Variants in SGCZ observed in about 807,000 individuals in gnomAD.
SGCZ encodes the protein sarcoglycan zeta.
A neutral mutation model predicts 41.3 loss-of-function variants in SGCZ; 40 were observed. The ratio of observed to expected loss-of-function variants is 0.97; its 90% confidence interval spans 0.75 to 1.26. The LOEUF is 1.26. Ranked by LOEUF, SGCZ falls within the 50% of genes most tolerant of loss-of-function variation. The pLI, the probability that SGCZ is intolerant of heterozygous loss-of-function variation, is 0.00. For synonymous variants in SGCZ, 206 were observed against 137.5 expected (o/e 1.50, Z -3.49); for missense variants, 552 against 369.8 (o/e 1.49, Z -4.04).
chr8:14,501,210 C>G (rs1008536646), intron 2 of SGCZ, among the ~76,000 whole-genome samples: 3 of 151,744 alleles, frequency 2.0e-5, no homozygotes, highest in African/African-American at 7.3e-5. Flanking sequence ...ACTGACTCTT[C>G]TGCTTGCCTC....
At chr8:14,983,316 G>T (rs970152769) in intron 1 of SGCZ, among the ~76,000 whole-genome samples, 2 of 151,936 alleles carry the variant, frequency 1.3e-5, no homozygotes, top group African/African-American at 2.4e-5. Context: ...TCCTGCCTCA[G>T]CACACCAGGT....
chr8:15,016,145 A>C (rs898886399), intron 1 of SGCZ, among the ~76,000 whole-genome samples: 1 of 152,142 alleles, frequency 6.6e-6, no homozygotes, highest in Non-Finnish European at 1.5e-5. Flanking sequence ...CTTTTGCAAA[A>C]TTTCCTCCAA....
intron 2 of SGCZ, among the ~76,000 whole-genome samples, chr8:14,529,912 G>C (rs1056898440): frequency 1.3e-5 from 2 of 152,024 alleles, no homozygotes; most frequent in Non-Finnish European, 2.9e-5. Flanking sequence ...TTTGAAATTG[G>C]ATCCATTTGA....
intron 3 of SGCZ, among the ~76,000 whole-genome samples, chr8:14,294,844 A>G (rs1800958921): frequency 6.6e-6 from 1 of 152,216 alleles, no homozygotes; most frequent in Admixed American, 6.5e-5. Flanking sequence ...ATGCAAATTA[A>G]AACTACAGTG....
chr8:14,769,793 T>TTAAAAAAAAAA (rs1800170910), intron 1 of SGCZ, among the ~76,000 whole-genome samples: 1 of 52,196 alleles, frequency 1.9e-5, no homozygotes, highest in Non-Finnish European at 3.2e-5. Context: ...AAAACACCAT[T>TTAAAAAAAAAA]AAAAAAAAAA....
At chr8:14,970,117 A>C (rs753846437) in intron 1 of SGCZ, among the ~76,000 whole-genome samples, 11 of 152,066 alleles carry the variant, frequency 7.2e-5, no homozygotes, top group Non-Finnish European at 1.5e-4. Context: ...TGCAGTTTTA[A>C]TTCATCTTTC....
At chr8:14,439,306 AAG>A (rs1216777684) in intron 2 of SGCZ, among the ~76,000 whole-genome samples, 2 of 111,090 alleles carry the variant, frequency 1.8e-5, no homozygotes, top group East Asian at 2.4e-4. Flanking sequence ...ATATAGAAGA[AAG>A]AAATATATAT....
intron 1 of SGCZ, among the ~76,000 whole-genome samples, chr8:14,772,987 C>A (rs183748694): frequency 0.011 from 1,747 of 152,130 alleles, 14 homozygotes; most frequent in Non-Finnish European, 0.017. Flanking sequence ...GTTCTAGATC[C>A]CTGAGAAATT....
chr8:15,201,730 A>G (rs574518485), intron 1 of SGCZ, among the ~76,000 whole-genome samples: 1 of 152,316 alleles, frequency 6.6e-6, no homozygotes, highest in African/African-American at 2.4e-5. Context: ...ATTGCAATGC[A>G]TAGAAACTGA....
intron 1 of SGCZ, among the ~76,000 whole-genome samples, chr8:14,939,516 T>C (rs1800196718): frequency 6.6e-6 from 1 of 152,102 alleles, no homozygotes; most frequent in South Asian, 2.1e-4. Context: ...CGTATGAGGA[T>C]GGTTAAATTA....
At chr8:14,312,756 C>A (rs1451839088) in intron 3 of SGCZ, among the ~76,000 whole-genome samples, 2 of 152,070 alleles carry the variant, frequency 1.3e-5, no homozygotes, top group Admixed American at 6.6e-5. Flanking sequence ...TTTAAAATTC[C>A]TATCCACTGG....
rs2061976 is a variant in SGCZ at position 14,997,066 on chromosome 8, A to C, written c.39+240519T>G. 6.7e-3 allele frequency among the ~76,000 whole-genome samples: 1,016 copies of C among 152,100 alleles called. 62 individuals are homozygous for C. The East Asian group carries it at 0.15, about 22-fold the overall frequency. The stretch of plus-strand genomic sequence containing the variant: ...AATGTCTTCCTTAGCTTTCTCTTTA[A>C]AATTGAATCAATTTCTCCTTAAATT... On this transcript the variant is annotated intron_variant, in intron 1 of 7. Coordinates refer to ENST00000382080, the MANE Select transcript of SGCZ (RefSeq NM_139167.4).
At chr8:14,757,254 G>A (rs1489537976) in intron 1 of SGCZ, among the ~76,000 whole-genome samples, 1 of 152,122 alleles carries the variant, frequency 6.6e-6, no homozygotes, top group Non-Finnish European at 1.5e-5. Flanking sequence ...TCACTATGTT[G>A]GCCAGGCTGG....
At chr8:14,767,647 G>A (rs984047679) in intron 1 of SGCZ, among the ~76,000 whole-genome samples, 7 of 152,104 alleles carry the variant, frequency 4.6e-5, no homozygotes, top group South Asian at 4.1e-4. Flanking sequence ...AATTTTATTC[G>A]GAATCTTAAT....
intron 1 of SGCZ, among the ~76,000 whole-genome samples, chr8:14,780,950 C>G (rs1800569907): frequency 6.6e-6 from 1 of 152,032 alleles, no homozygotes; most frequent in Non-Finnish European, 1.5e-5. Flanking sequence ...GCCAAAGATA[C>G]AGAGAATAAA....
At chr8:14,771,081 T>G (rs938671019) in intron 1 of SGCZ, among the ~76,000 whole-genome samples, 1 of 152,118 alleles carries the variant, frequency 6.6e-6, no homozygotes, top group Non-Finnish European at 1.5e-5. Flanking sequence ...AAGTTAGAGT[T>G]GCTGATCATG....
intron 1 of SGCZ, among the ~76,000 whole-genome samples, chr8:15,103,465 A>T (rs1263186443): frequency 6.6e-6 from 1 of 152,024 alleles, no homozygotes; most frequent in Non-Finnish European, 1.5e-5. Context: ...AACCAGTTTT[A>T]TAGAAGTAAA....
chr8:14,934,378 A>C (rs1171577386), intron 1 of SGCZ, among the ~76,000 whole-genome samples: 1 of 151,958 alleles, frequency 6.6e-6, no homozygotes, highest in Non-Finnish European at 1.5e-5. Flanking sequence ...AGTATAAATA[A>C]GGAAAGGGAG....
At chr8:15,207,653 A>C (rs11203680) in intron 1 of SGCZ, among the ~76,000 whole-genome samples, 1 of 151,926 alleles carries the variant, frequency 6.6e-6, no homozygotes, top group African/African-American at 2.4e-5. Flanking sequence ...ATATGGAAAA[A>C]AAGGGTTGTT....
Sources: gnomAD v4.1 joint callset for allele counts (sites outside exome capture counted in the v4.1 genomes callset) on GRCh38, gnomAD v4.1.1 for gene constraint, MANE v1.5 for transcripts, NCBI Gene and HGNC (gene_info 2026-07-23, HGNC 2026-07-21) for gene names.